SGCD: variants seen among roughly 807,000 people sequenced by gnomAD.
SGCD encodes sarcoglycan delta.
SGCD carries 18 observed loss-of-function variants against 36.6 expected under a neutral mutation model. The ratio of observed to expected loss-of-function variants is 0.49; its 90% CI spans 0.34 to 0.73. The LOEUF (loss-of-function observed/expected upper bound fraction) is 0.73, where lower values mean the gene tolerates loss of function less well. Ranked by LOEUF, SGCD falls within the 30% of genes least tolerant of loss-of-function variation. SGCD has a pLI of 0.01. For synonymous variants in SGCD, 133 were observed against 130.6 expected, an observed-to-expected ratio of 1.02 and a Z score of -0.12; for missense variants, 387 against 346.7, an observed-to-expected ratio of 1.12 and a Z score of -0.92.
intron 4 of SGCD, among the ~76,000 whole-genome samples, chr5:156,513,898 G>A (rs1005092587): frequency 1.3e-5 from 2 of 152,292 alleles, no homozygotes; most frequent in African/African-American, 4.8e-5. Flanking sequence ...GTCCAGAAAA[G>A]AGATTGAGAA....
At chr5:156,691,442 A>G (rs1284440111) in intron 7 of SGCD, among the ~76,000 whole-genome samples, 1 of 152,136 alleles carries the variant, frequency 6.6e-6, no homozygotes, top group Non-Finnish European at 1.5e-5. Context: ...GTGAACTAAA[A>G]TAAGGGTCAA....
chr5:155,924,971 C>T (rs554737355), intron 1 of SGCD, among the ~76,000 whole-genome samples: 1 of 152,036 alleles, frequency 6.6e-6, no homozygotes, highest in Non-Finnish European at 1.5e-5. Context: ...TTAATGAATC[C>T]GGGGGTAGAA....
rs796333273 is a variant in SGCD at position 156,644,475 on chromosome 5, C to T, written c.503-2989C>T. Among the ~76,000 whole-genome samples, 14 of 150,652 alleles carry T rather than the reference C, an allele frequency of 9.3e-5. 1 individual carries two copies. The highest frequency in any genetic ancestry group is 2.1e-4 in the South Asian group (1 of 4,784). ...TTGCTCTCTGCCATTTTATCTATTACGAGATTTATTTTCTGGTTATTATTT... is the reference window on the plus strand; with the variant it reads ...TTGCTCTCTGCCATTTTATCTATTATGAGATTTATTTTCTGGTTATTATTT... On this transcript the variant is annotated intron_variant, in intron 6 of 8. Transcript: ENST00000337851.
chr5:156,081,094 T>C (rs1160952157), intron 1 of SGCD, among the ~76,000 whole-genome samples: 1 of 152,204 alleles, frequency 6.6e-6, no homozygotes, highest in East Asian at 1.9e-4. Context: ...TCTGTTTAGC[T>C]TCTGGTGAGG....
chr5:155,783,824 G>A, the SGCD span, among the ~76,000 whole-genome samples: 5 of 152,118 alleles, frequency 3.3e-5, no homozygotes, highest in Non-Finnish European at 1.5e-5. Flanking sequence ...TTTTGAACAC[G>A]ATATGTGGTA....
chr5:156,417,332 A>ATGAT (rs1207083494), intron 3 of SGCD, among the ~76,000 whole-genome samples: 3 of 152,204 alleles, frequency 2.0e-5, no homozygotes, highest in African/African-American at 7.2e-5. Context: ...TCATTAATAA[A>ATGAT]TGATCGTGAA....
intron 4 of SGCD, among the ~76,000 whole-genome samples, chr5:156,545,897 G>C (rs894175671): frequency 3.3e-5 from 5 of 152,194 alleles, no homozygotes; most frequent in Admixed American, 2.6e-4. Context: ...GGATTCCACA[G>C]CAAAATCTGG....
chr5:156,020,773 A>G lies in SGCD; in HGVS notation c.-281-97105A>G, dbSNP rs562090265. Among the ~76,000 whole-genome samples, 17 of 152,146 alleles carry G rather than the reference A, an allele frequency of 1.1e-4. No individual in the cohort carries two copies. The South Asian group carries it at 1.7e-3, about 15-fold the overall frequency. On this transcript the variant is annotated intron_variant, in intron 1 of 9. Transcript: ENST00000517913. ...GGTCAGGCTCTATGCTAACTGTCTTACAAGTGTTTCTCATTTAGTTCTCAT... is the reference window on the plus strand; with the variant it reads ...GGTCAGGCTCTATGCTAACTGTCTTGCAAGTGTTTCTCATTTAGTTCTCAT...
chr5:155,991,988 A>C (rs1011604856), intron 1 of SGCD, among the ~76,000 whole-genome samples: 2 of 152,240 alleles, frequency 1.3e-5, no homozygotes, highest in African/African-American at 4.8e-5. Context: ...ATATATTAGC[A>C]TGGAGATTGA....
chr5:156,737,368 T>C (rs1460107769), intron 7 of SGCD, among the ~76,000 whole-genome samples: 1 of 152,172 alleles, frequency 6.6e-6, no homozygotes, highest in African/African-American at 2.4e-5. Flanking sequence ...CAACTAACTG[T>C]AAGGTGGGGA....
At chr5:156,365,526 G>A (rs1446613483) in intron 3 of SGCD, among the ~76,000 whole-genome samples, 1 of 152,142 alleles carries the variant, frequency 6.6e-6, no homozygotes, top group Non-Finnish European at 1.5e-5. Context: ...GGAAAGATGA[G>A]CGTTTTCTCT....
chr5:156,392,314 C>T (rs149142418), intron 3 of SGCD, among the ~76,000 whole-genome samples: 86 of 152,324 alleles, frequency 5.6e-4, no homozygotes, highest in African/African-American at 2.0e-3. Context: ...GACAAGAAGA[C>T]ACTGAATACA....
chr5:156,300,949 T>C (rs375394286), intron 3 of SGCD, among the ~76,000 whole-genome samples: 2 of 65,570 alleles, frequency 3.1e-5, no homozygotes, highest in Non-Finnish European at 5.9e-5. Context: ...TTGGTCTCTA[T>C]GGCATGGCAT....
chr5:155,938,464 C>A (rs1356471718), intron 1 of SGCD, among the ~76,000 whole-genome samples: 1 of 152,192 alleles, frequency 6.6e-6, no homozygotes, highest in African/African-American at 2.4e-5. Flanking sequence ...AGGTGTCAGG[C>A]TGGCTGTTAC....
chr5:156,215,834 A>G (rs900836570), intron 3 of SGCD, among the ~76,000 whole-genome samples: 1 of 152,290 alleles, frequency 6.6e-6, no homozygotes, highest in Non-Finnish European at 1.5e-5. Context: ...ACACTAGTTG[A>G]TATATATACA....
intron 3 of SGCD, among the ~76,000 whole-genome samples, chr5:156,181,974 G>C (rs558805738): frequency 2.0e-5 from 3 of 152,208 alleles, no homozygotes; most frequent in Admixed American, 2.0e-4. Flanking sequence ...TATGCGAGAG[G>C]CTTGTTCTTT....
At chr5:156,371,723 T>G (rs1244418827) in intron 3 of SGCD, among the ~76,000 whole-genome samples, 1 of 152,204 alleles carries the variant, frequency 6.6e-6, no homozygotes, top group East Asian at 1.9e-4. Context: ...AGTTGTCCAT[T>G]AGACTTGTCA....
chr5:155,744,856 G>A, the SGCD span, among the ~76,000 whole-genome samples: 2 of 152,180 alleles, frequency 1.3e-5, no homozygotes, highest in Non-Finnish European at 2.9e-5. Flanking sequence ...TTCTAAAACC[G>A]ATGAATGATG....
chr5:155,908,757 CT>C (rs1025673718), intron 1 of SGCD, among the ~76,000 whole-genome samples: 1 of 152,058 alleles, frequency 6.6e-6, no homozygotes, highest in African/African-American at 2.4e-5. Flanking sequence ...CTTTGGTTCT[CT>C]TTCGGGCTGG....
Sources: gnomAD v4.1 joint callset for allele counts (sites outside exome capture counted in the v4.1 genomes callset) on GRCh38, gnomAD v4.1.1 for gene constraint, MANE v1.5 for transcripts, NCBI Gene and HGNC (gene_info 2026-07-23, HGNC 2026-07-21) for gene names.